The following KCNH7 variants were observed in gnomAD, a reference collection of about 807,000 sequenced individuals.
KCNH7 encodes potassium voltage-gated channel subfamily H member 7, also known as voltage-gated inwardly rectifying potassium channel KCNH7.
KCNH7 carries 49 observed loss-of-function variants against 120.8 expected under a neutral mutation model. The ratio of observed to expected loss-of-function variants is 0.41; its 90% CI spans 0.32 to 0.51. The LOEUF is 0.51. Among genes scored for constraint, KCNH7 ranks in the 20% least tolerant of loss-of-function variants. KCNH7 has a pLI of 0.38. For missense variants in KCNH7, 1,097 were observed against 1,446.6 expected (o/e 0.76, Z 3.92); for synonymous variants, 547 against 516.1 (o/e 1.06, Z -0.81).
chr2:162,578,553 A>C (rs1693762649), intron 2 of KCNH7, among the ~76,000 whole-genome samples: 1 of 152,020 alleles, frequency 6.6e-6, no homozygotes, highest in Non-Finnish European at 1.5e-5. Flanking sequence ...AGGGTAGAGC[A>C]TGACACTGGA....
At chr2:162,676,460 G>C (rs562170856) in intron 2 of KCNH7, among the ~76,000 whole-genome samples, 6 of 151,476 alleles carry the variant, frequency 4.0e-5, no homozygotes, top group East Asian at 3.9e-4. Flanking sequence ...AGAACTTAGG[G>C]AACCAATCAA....
intron 5 of KCNH7, among the ~76,000 whole-genome samples, chr2:162,510,043 T>C (rs1417584623): frequency 1.3e-5 from 2 of 151,660 alleles, no homozygotes; most frequent in Non-Finnish European, 3.0e-5. Context: ...AAAATTAATA[T>C]ATGAGTGATG....
chr2:162,489,039 C>A (rs997345522), intron 6 of KCNH7, among the ~76,000 whole-genome samples: 2 of 152,122 alleles, frequency 1.3e-5, no homozygotes, highest in African/African-American at 4.8e-5. Context: ...GTATTTTAAA[C>A]TGAAATAACA....
chr2:162,691,915 C>T (rs1338538174), intron 2 of KCNH7, among the ~76,000 whole-genome samples: 1 of 151,944 alleles, frequency 6.6e-6, no homozygotes, highest in Non-Finnish European at 1.5e-5. Flanking sequence ...CATCAGTGTC[C>T]CTGAGGTTAA....
At chr2:162,821,475 G>A (rs189217838) in intron 2 of KCNH7, among the ~76,000 whole-genome samples, 5 of 152,328 alleles carry the variant, frequency 3.3e-5, no homozygotes, top group Admixed American at 3.3e-4. Context: ...TCACAAGAAT[G>A]AGTGGCTACA....
rs998474742 is a variant in KCNH7 at position 162,449,153 on chromosome 2, G to A, written c.1129-2710C>T. On this transcript the variant is annotated intron_variant, in intron 6 of 15. Coordinates refer to ENST00000332142, the MANE Select transcript of KCNH7 (RefSeq NM_033272.4). ...TACTAAAGAATAAAATGCCAGGGAA[G>A]TAGGGTAGAGGACGGCCATGGAGAG... 5.3e-5 allele frequency among the ~76,000 whole-genome samples: 8 copies of A among 152,044 alleles called. No homozygotes were observed. The South Asian group carries it at 8.3e-4, about 16-fold the overall frequency.
At chr2:162,665,911 A>G (rs1685116225) in intron 2 of KCNH7, among the ~76,000 whole-genome samples, 1 of 152,198 alleles carries the variant, frequency 6.6e-6, no homozygotes, top group Admixed American at 6.5e-5. Context: ...AGCATTCACA[A>G]ATGTGATAAG....
intron 2 of KCNH7, among the ~76,000 whole-genome samples, chr2:162,694,748 A>ATT (rs34119660): frequency 6.9e-6 from 1 of 144,134 alleles, no homozygotes. Context: ...ACAAACTTGT[A>ATT]TTTTTTTTTT....
chr2:162,527,249 A>G lies in KCNH7; in HGVS notation c.464-9091T>C, dbSNP rs117761339. On this transcript the variant is annotated intron_variant, in intron 3 of 15. Transcript: ENST00000332142. ...TAATCTTTAAAAAGAGGAAACTTCC[A>G]AATACATGAGAATAGTAAACATTAG... is the stretch of plus-strand genomic sequence containing the variant. 3.5e-3 allele frequency among the ~76,000 whole-genome samples: 526 copies of G among 152,144 alleles called. 17 individuals are homozygous for G. In the East Asian group the frequency reaches 0.09, roughly 26 times the overall value.
intron 2 of KCNH7, among the ~76,000 whole-genome samples, chr2:162,668,806 TAA>T (rs1685239643): frequency 6.6e-6 from 1 of 152,186 alleles, no homozygotes; most frequent in Non-Finnish European, 1.5e-5. Context: ...GAGACAACTA[TAA>T]TTATTTTGCT....
At chr2:162,431,078 C>G (rs1688049417) in intron 8 of KCNH7, among the ~76,000 whole-genome samples, 1 of 151,948 alleles carries the variant, frequency 6.6e-6, no homozygotes. Context: ...TTGCAAATAG[C>G]AGCTTTTAAA....
chr2:162,828,592 G>C (rs1685370276), intron 2 of KCNH7, among the ~76,000 whole-genome samples: 1 of 151,968 alleles, frequency 6.6e-6, no homozygotes, highest in Non-Finnish European at 1.5e-5. Flanking sequence ...CTCAAAAAAA[G>C]AGAGAAGGAA....
At position 162,435,598 on chromosome 2, in the gene KCNH7, C is replaced by T. The variant is rs201304059; in HGVS notation, c.1555-1G>A. 1 of 1,576,832 alleles carries T rather than the reference C, an allele frequency of 6.3e-7. No individual in the cohort carries two copies. The highest frequency in any genetic ancestry group is 1.9e-5 in the Admixed American group (1 of 53,812). ...TCAAAAGACCAATTAATGTTGTTGT[C>T]TGTAGAAATAAATGTACACAGTCAG... On this transcript the variant is annotated splice_acceptor_variant, in intron 7 of 15. Coordinates refer to ENST00000332142, the MANE Select transcript of KCNH7 (RefSeq NM_033272.4). LOFTEE classifies it high-confidence loss of function.
chr2:162,621,252 CTTTTTTTTTT>C (rs35494887), intron 2 of KCNH7, among the ~76,000 whole-genome samples: 1 of 52,114 alleles, frequency 1.9e-5, no homozygotes, highest in Non-Finnish European at 3.3e-5. Context: ...GTATCATCAT[CTTTTTTTTTT>C]TTTTTTTTTT....
intron 2 of KCNH7, among the ~76,000 whole-genome samples, chr2:162,742,965 C>G (rs1480939098): frequency 6.6e-6 from 1 of 152,066 alleles, no homozygotes; most frequent in Non-Finnish European, 1.5e-5. Flanking sequence ...GAATGTTATT[C>G]TTTGCTTTCA....
intron 2 of KCNH7, among the ~76,000 whole-genome samples, chr2:162,827,495 C>T (rs1685328930): frequency 1.3e-5 from 2 of 150,370 alleles, no homozygotes; most frequent in South Asian, 2.2e-4. Flanking sequence ...CATATACTAG[C>T]TATCCTCATT....
intron 2 of KCNH7, among the ~76,000 whole-genome samples, chr2:162,753,193 G>T (rs1222529208): frequency 6.6e-6 from 1 of 151,806 alleles, no homozygotes; most frequent in Non-Finnish European, 1.5e-5. Context: ...CGTGAGAATG[G>T]ATAACATTTG....
At chr2:162,691,104 T>G (rs1195358565) in intron 2 of KCNH7, among the ~76,000 whole-genome samples, 1 of 152,154 alleles carries the variant, frequency 6.6e-6, no homozygotes, top group Non-Finnish European at 1.5e-5. Context: ...TCTCTAAATA[T>G]TAAACAGACA....
chr2:162,409,057 CA>C (rs1235500867), intron 9 of KCNH7, among the ~76,000 whole-genome samples: 1 of 150,980 alleles, frequency 6.6e-6, no homozygotes, highest in East Asian at 1.9e-4. Flanking sequence ...GTAAAGTTAT[CA>C]AAAAAATAAG....
Sources: gnomAD v4.1 joint callset for allele counts (sites outside exome capture counted in the v4.1 genomes callset) on GRCh38, gnomAD v4.1.1 for gene constraint, MANE v1.5 for transcripts, NCBI Gene and HGNC (gene_info 2026-07-23, HGNC 2026-07-21) for gene names.